The following TACC2 variants were observed in gnomAD, a reference collection of about 807,000 sequenced individuals.
The protein encoded by TACC2 is transforming acidic coiled-coil containing protein 2.
TACC2 carries 137 observed loss-of-function variants against 227.3 expected under a neutral mutation model. The observed-to-expected ratio is 0.60, with a 90% CI of 0.52 to 0.69. The LOEUF is 0.69. TACC2 is among the 30% of genes least tolerant of loss of function. TACC2 has a pLI of 0.00. For synonymous variants in TACC2, 1,523 were observed against 1,487.5 expected, an observed-to-expected ratio of 1.02 and a Z score of -0.55; for missense variants, 3,470 against 3,694.4, an observed-to-expected ratio of 0.94 and a Z score of 1.57.
At chr10:122,135,577 G>A (rs1207406228) in intron 6 of TACC2, among the ~76,000 whole-genome samples, 4 of 152,190 alleles carry the variant, frequency 2.6e-5, no homozygotes, top group African/African-American at 9.7e-5. Flanking sequence ...TACTGGATTG[G>A]TGGAAAAGAG....
At position 122,249,601 on chromosome 10, in the gene TACC2, C is replaced by A; in HGVS notation, c.8718C>A (p.His2906Gln). The A allele has an allele frequency of 2.5e-6, 4 of 1,614,142 alleles. No individual in the cohort carries two copies. The highest frequency in any genetic ancestry group is 3.4e-6 in the Non-Finnish European group (4 of 1,180,030). Reference protein sequence around the residue: ...RGKAQQEQAAHQASLRKEQLR... With the variant: ...RGKAQQEQAAQQASLRKEQLR... Reference sequence around the variant, plus strand: ...AGGCCCAGCAGGAGCAAGCCGCCCACCAGGCCAGCCTGCGGAAGGAGCAGC... The same window carrying A: ...AGGCCCAGCAGGAGCAAGCCGCCCAACAGGCCAGCCTGCGGAAGGAGCAGC... The change falls in exon 22 of 23, where the codon CAC becomes CAA. Residue 2906 changes from histidine (H) to glutamine (Q), a missense_variant. Transcript: ENST00000369005.
chr10:122,152,782 C>T (rs2092173534), intron 7 of TACC2, among the ~76,000 whole-genome samples: 1 of 152,116 alleles, frequency 6.6e-6, no homozygotes, highest in Non-Finnish European at 1.5e-5. Flanking sequence ...TGTTGCAGCA[C>T]TGTTTGGCAG....
chr10:122,057,490 G>A (rs182722817), intron 3 of TACC2, among the ~76,000 whole-genome samples: 5 of 152,100 alleles, frequency 3.3e-5, no homozygotes, highest in Non-Finnish European at 1.5e-5. Flanking sequence ...TTGGCCAAAG[G>A]GACCCTAAAG....
intron 13 of TACC2, 127 bp downstream of exon 13, chr10:122,226,608 T>A (rs2095634427): frequency 1.5e-6 from 1 of 669,036 alleles, no homozygotes; most frequent in East Asian, 2.9e-5. Context: ...CCACATATTT[T>A]TTTTTTTTTT....
At chr10:122,175,101 G>A (rs1182989772) in intron 7 of TACC2, among the ~76,000 whole-genome samples, 1 of 152,064 alleles carries the variant, frequency 6.6e-6, no homozygotes, top group African/African-American at 2.4e-5. Flanking sequence ...CTCCCTAGTA[G>A]CTGGGACACC....
intron 2 of TACC2, among the ~76,000 whole-genome samples, chr10:122,036,489 G>A (rs986946024): frequency 7.2e-6 from 1 of 139,234 alleles, no homozygotes; most frequent in African/African-American, 2.7e-5. Context: ...CACCGTGCCT[G>A]GCAATCCATT....
chr10:122,145,394 C>G (rs959925389), intron 7 of TACC2, among the ~76,000 whole-genome samples: 1 of 127,088 alleles, frequency 7.9e-6, no homozygotes, highest in Non-Finnish European at 1.9e-5. Flanking sequence ...ATGCATTAGG[C>G]TAAGTGAGAA....
intron 1 of TACC2, among the ~76,000 whole-genome samples, chr10:122,007,810 T>C (rs553489073): frequency 6.6e-6 from 1 of 152,330 alleles, no homozygotes; most frequent in East Asian, 1.9e-4. Context: ...TGTGGCAGCA[T>C]TGAAAGGTGG....
At chr10:122,040,151 G>T (rs941334960) in intron 2 of TACC2, among the ~76,000 whole-genome samples, 1 of 152,168 alleles carries the variant, frequency 6.6e-6, no homozygotes, top group Non-Finnish European at 1.5e-5. Context: ...ACCACCTGAT[G>T]GTTGGAAATG....
intron 11 of TACC2, among the ~76,000 whole-genome samples, chr10:122,218,192 C>T (rs959812820): frequency 5.3e-5 from 8 of 152,150 alleles, no homozygotes; most frequent in African/African-American, 1.9e-4. Context: ...ATCTGCCCAC[C>T]TCGGCCTCCC....
At chr10:122,198,547 AT>A (rs1446961448) in intron 8 of TACC2, among the ~76,000 whole-genome samples, 2 of 152,162 alleles carry the variant, frequency 1.3e-5, no homozygotes, top group African/African-American at 4.8e-5. Flanking sequence ...TGAGTGTTTC[AT>A]CTCCCACTCA....
chr10:122,123,277 T>G (rs1159824920), intron 5 of TACC2, among the ~76,000 whole-genome samples: 1 of 152,150 alleles, frequency 6.6e-6, no homozygotes, highest in East Asian at 1.9e-4. Flanking sequence ...AGTGCTGGGA[T>G]TACAGCTGTG....
intron 5 of TACC2, among the ~76,000 whole-genome samples, chr10:122,101,868 A>G (rs1273820605): frequency 6.6e-6 from 1 of 150,816 alleles, no homozygotes; most frequent in African/African-American, 2.4e-5. Flanking sequence ...TACCACACCC[A>G]GCCAACCCCA....
At chr10:122,234,064 C>T (rs543376580) in intron 16 of TACC2, among the ~76,000 whole-genome samples, 8 of 152,218 alleles carry the variant, frequency 5.3e-5, no homozygotes, top group Non-Finnish European at 1.2e-4. Context: ...CTCCTGGCCT[C>T]ACCCCTCCGT....
intron 5 of TACC2, among the ~76,000 whole-genome samples, chr10:122,101,238 A>G (rs2082102546): frequency 1.3e-5 from 2 of 152,170 alleles, no homozygotes; most frequent in African/African-American, 4.8e-5. Flanking sequence ...GTATAAAATT[A>G]ATACTTACCT....
intron 5 of TACC2, 88 bp from the exon 6 acceptor site, chr10:122,132,521 C>G (rs193056799): frequency 2.9e-5 from 45 of 1,528,188 alleles, no homozygotes; most frequent in Non-Finnish European, 3.9e-5. Flanking sequence ...TGCCCTCCAG[C>G]CTGGATAAGA....
At chr10:122,217,437 C>CTTTTTTTTTTTTT (rs35233150) in intron 11 of TACC2, among the ~76,000 whole-genome samples, 4 of 93,252 alleles carry the variant, frequency 4.3e-5, no homozygotes, top group South Asian at 4.8e-4. Context: ...TTTCTTTTTT[C>CTTTTTTTTTTTTT]TTTTTTTTTT....
At chr10:122,186,393 C>A (rs2094193352) in intron 7 of TACC2, among the ~76,000 whole-genome samples, 1 of 152,046 alleles carries the variant, frequency 6.6e-6, no homozygotes, top group African/African-American at 2.4e-5. Context: ...ACTCGGGAGG[C>A]TGAGGCAGGA....
intron 5 of TACC2, among the ~76,000 whole-genome samples, chr10:122,095,159 T>G (rs980731932): frequency 9.2e-5 from 14 of 152,134 alleles, no homozygotes; most frequent in Non-Finnish European, 1.5e-4. Flanking sequence ...TGTGCTGAAC[T>G]GGGGACCCTC....
Sources: allele counts gnomAD v4.1 joint callset (sites outside exome capture counted in the v4.1 genomes callset), GRCh38; gene constraint gnomAD v4.1.1; transcripts MANE v1.5; gene names NCBI Gene and HGNC (gene_info 2026-07-23, HGNC 2026-07-21).